Variants in VTA1 observed in about 807,000 individuals in gnomAD.
The protein encoded by VTA1 is vesicle trafficking 1.
A neutral mutation model predicts 36.9 loss-of-function variants in VTA1; 24 were observed. The ratio of observed to expected loss-of-function variants is 0.65; its 90% CI spans 0.47 to 0.91. VTA1 has a LOEUF of 0.91. Among genes scored for constraint, VTA1 ranks in the 40% least tolerant of loss-of-function variants. VTA1 has a pLI of 0.00. For missense variants in VTA1, 393 were observed against 377.2 expected, an observed-to-expected ratio of 1.04 and a Z score of -0.35; for synonymous variants, 142 against 130.2, an observed-to-expected ratio of 1.09 and a Z score of -0.62.
intron 4 of VTA1, among the ~76,000 whole-genome samples, chr6:142,184,785 T>A (rs1191888115): frequency 6.6e-6 from 1 of 152,182 alleles, no homozygotes; most frequent in Non-Finnish European, 1.5e-5. Context: ...GCCAGTCTTA[T>A]AATGTCTCAA....
chr6:142,196,479 A>G (rs1339772751), intron 5 of VTA1, among the ~76,000 whole-genome samples: 1 of 152,204 alleles, frequency 6.6e-6, no homozygotes, highest in Non-Finnish European at 1.5e-5. Flanking sequence ...TGTGTGAGAA[A>G]TAGTGTTTAG....
chr6:142,189,276 A>G, intron 4 of VTA1, 150 bp from the exon 5 acceptor site: 1 of 554,302 alleles, frequency 1.8e-6, no homozygotes, highest in Non-Finnish European at 3.1e-6. Context: ...GGTGGATTCC[A>G]GCAATAGGGT....
rs140046855 is a variant in VTA1 at position 142,179,600 on chromosome 6, A to G, written c.411+9179A>G. Among the ~76,000 whole-genome samples, 397 of 152,294 alleles carry G rather than the reference A, an allele frequency of 2.6e-3. 2 individuals carry two copies. The highest frequency in any genetic ancestry group is 9.1e-3 in the African/African-American group (377 of 41,544). ...GCTGAGCAAAAAAAGAGCCGGAAGT[A>G]TACAAACTATATGATTCCCTTCATA... On this transcript the variant is annotated intron_variant, in intron 4 of 7. Coordinates refer to ENST00000367630, the MANE Select transcript of VTA1 (RefSeq NM_016485.5).
chr6:142,190,225 T>G (rs542074245), intron 5 of VTA1, among the ~76,000 whole-genome samples: 1 of 152,306 alleles, frequency 6.6e-6, no homozygotes, highest in East Asian at 1.9e-4. Context: ...TCAAAAAAAT[T>G]GTAGAGTATA....
In VTA1 at chr6:142,163,659, G is replaced by A. The variant is rs74625673; in HGVS notation, c.113-2569G>A. Among the ~76,000 whole-genome samples, 265 of 152,252 alleles carry A rather than the reference G, an allele frequency of 1.7e-3. 1 individual carries two copies. Among genetic ancestry groups the A allele is most frequent in the African/African-American group, 6.0e-3 (249 of 41,552 alleles). ...TAGAGGAGTATGCTGATGAAAAGCA[G>A]TGGTTCCACGAGATTTTGGTAGAAG... On this transcript the variant is annotated intron_variant, in intron 1 of 7. Transcript: ENST00000367630.
chr6:142,222,068 G>A lies in VTA1; in HGVS notation c.*3425G>A, dbSNP rs1220184721. Reference sequence around the variant, plus strand: ...TAATAAAACGGGATTGGTTTCTGGCGGCTTTTTTTTAGGTAGAGCCACAGG... The same window carrying A: ...TAATAAAACGGGATTGGTTTCTGGCAGCTTTTTTTTAGGTAGAGCCACAGG... On this transcript the variant is annotated 3_prime_UTR_variant, in exon 8 of 8. Transcript: ENST00000367630. 2.0e-5 allele frequency: 3 copies of A among 152,114 alleles called. No homozygotes were observed. The highest frequency in any genetic ancestry group is 1.9e-4 in the East Asian group (1 of 5,168). 9.4% of individuals were successfully genotyped at this position (152,114 alleles called of 1,614,324 possible).
In VTA1 at chr6:142,222,141, G is replaced by T. The variant is rs908771823; in HGVS notation, c.*3498G>T. ...GTACGAACATAAGAGAAGGAGTAAA[G>T]GTTGACTCCAGATTTTTCACCTGAA... On this transcript the variant is annotated 3_prime_UTR_variant, in exon 8 of 8. Coordinates refer to ENST00000367630, the MANE Select transcript of VTA1 (RefSeq NM_016485.5). The T allele has an allele frequency of 6.6e-6, 1 of 152,030 alleles. No homozygotes were observed. The highest frequency in any genetic ancestry group is 1.5e-5 in the Non-Finnish European group (1 of 68,024). 9.4% of individuals were successfully genotyped at this position (152,030 alleles called of 1,614,324 possible).
At chr6:142,160,812 A>G (rs1308299323) in intron 1 of VTA1, among the ~76,000 whole-genome samples, 1 of 152,132 alleles carries the variant, frequency 6.6e-6, no homozygotes, top group Admixed American at 6.5e-5. Context: ...TCTCATTTTA[A>G]TAATCAAATC....
intron 1 of VTA1, among the ~76,000 whole-genome samples, chr6:142,161,317 A>G (rs748773252): frequency 3.9e-5 from 6 of 152,118 alleles, no homozygotes; most frequent in Non-Finnish European, 8.8e-5. Flanking sequence ...ATTGAGTGCC[A>G]CATTTTTTAA....
At chr6:142,198,117 ATATGTGTG>A (rs1402831726) in intron 5 of VTA1, among the ~76,000 whole-genome samples, 30 of 78,666 alleles carry the variant, frequency 3.8e-4, no homozygotes, top group African/African-American at 8.4e-4. Context: ...ATATATATAT[ATATGTGTG>A]TGTGTGTGTG....
chr6:142,209,485 C>G (rs1156396542), intron 7 of VTA1, among the ~76,000 whole-genome samples: 1 of 150,514 alleles, frequency 6.6e-6, no homozygotes, highest in African/African-American at 2.4e-5. Context: ...GGGAATCGAT[C>G]TAACTAAAGC....
chr6:142,150,431 T>C (rs902103586), intron 1 of VTA1, among the ~76,000 whole-genome samples: 7 of 152,220 alleles, frequency 4.6e-5, no homozygotes, highest in Non-Finnish European at 1.0e-4. Context: ...TAGTATATAA[T>C]ATGCTGCTTA....
intron 7 of VTA1, among the ~76,000 whole-genome samples, chr6:142,210,382 T>A (rs1239565058): frequency 6.6e-6 from 1 of 152,136 alleles, no homozygotes; most frequent in Admixed American, 6.5e-5. Flanking sequence ...TTTTTTTGTG[T>A]GTAAGACCTC....
chr6:142,177,237 T>C (rs561991367), intron 4 of VTA1, among the ~76,000 whole-genome samples: 1 of 152,312 alleles, frequency 6.6e-6, no homozygotes, highest in South Asian at 2.1e-4. Context: ...TACACCTAAT[T>C]GATGAGTTGT....
intron 7 of VTA1, among the ~76,000 whole-genome samples, chr6:142,215,233 T>C (rs962649760): frequency 2.0e-5 from 3 of 151,956 alleles, no homozygotes; most frequent in Non-Finnish European, 2.9e-5. Flanking sequence ...GGTCAGGAGA[T>C]TGAGACCATC....
intron 1 of VTA1, among the ~76,000 whole-genome samples, chr6:142,152,394 GAAATAA>G (rs1752322405): frequency 6.6e-6 from 1 of 152,028 alleles, no homozygotes; most frequent in Non-Finnish European, 1.5e-5. Context: ...CTGTAACTCA[GAAATAA>G]TTTAAAGAAT....
At position 142,224,026 on chromosome 6, in the gene VTA1, C is replaced by A. The variant is rs1011910140; in HGVS notation, c.*5383C>A. 2 of 152,096 alleles carry A rather than the reference C, an allele frequency of 1.3e-5. No individual in the cohort carries two copies. The highest frequency in any genetic ancestry group is 2.9e-5 in the Non-Finnish European group (2 of 68,040). The allele number at this position is 152,096 out of a possible 1,614,324, so 9.4% of individuals were successfully genotyped here. On this transcript the variant is annotated 3_prime_UTR_variant, in exon 8 of 8. Coordinates refer to ENST00000367630, the MANE Select transcript of VTA1 (RefSeq NM_016485.5). ...GACTAAATTGTATCCCTTCAGAATT[C>A]ATATTTTGAAGCACTGATCTCCAGT...
chr6:142,168,401 A>G (rs1412803834), intron 2 of VTA1, among the ~76,000 whole-genome samples: 3 of 152,092 alleles, frequency 2.0e-5, no homozygotes, highest in African/African-American at 7.2e-5. Flanking sequence ...ATTTTATGAA[A>G]AATCCTGGGG....
chr6:142,197,290 T>G (rs1366483729), intron 5 of VTA1, among the ~76,000 whole-genome samples: 1 of 152,200 alleles, frequency 6.6e-6, no homozygotes, highest in Non-Finnish European at 1.5e-5. Context: ...ATTTAACTTT[T>G]TTTCTTGTTT....
Sources: allele counts gnomAD v4.1 joint callset (sites outside exome capture counted in the v4.1 genomes callset), GRCh38; gene constraint gnomAD v4.1.1; transcripts MANE v1.5; gene names NCBI Gene and HGNC (gene_info 2026-07-23, HGNC 2026-07-21).